The following DTL variants were observed in gnomAD, a reference collection of about 807,000 sequenced individuals.
The protein encoded by DTL is denticleless E3 ubiquitin protein ligase adapter, also known as denticleless protein homolog.
Under a neutral mutation model 87.0 loss-of-function variants are expected in DTL, and 46 were observed. That is an observed-to-expected ratio of 0.53 (90% CI 0.42 to 0.68). The LOEUF is 0.68. DTL is among the 30% of genes least tolerant of loss of function. The pLI is 0.00. For synonymous variants in DTL, 308 were observed against 311.2 expected (o/e 0.99, Z 0.11); for missense variants, 737 against 869.4 (o/e 0.85, Z 1.91).
chr1:212,052,137 T>C, intron 5 of DTL: 1 of 655,956 alleles, frequency 1.5e-6, no homozygotes, highest in Non-Finnish European at 2.7e-6. Flanking sequence ...TTGAGAACTC[T>C]GTGGTTGTTA....
At chr1:212,093,172 T>G (rs1334504024) in intron 13 of DTL, among the ~76,000 whole-genome samples, 2 of 152,152 alleles carry the variant, frequency 1.3e-5, no homozygotes, top group South Asian at 2.1e-4. Flanking sequence ...AGGGTGTGGC[T>G]TCCTTCTTCA....
intron 10 of DTL, among the ~76,000 whole-genome samples, chr1:212,069,632 G>A (rs1209608409): frequency 4.6e-5 from 7 of 151,236 alleles, no homozygotes; most frequent in East Asian, 3.9e-4. Flanking sequence ...TGCACCCTCC[G>A]CCTCCTGGGT....
chr1:212,083,538 A>C (rs1655044114), intron 13 of DTL, among the ~76,000 whole-genome samples: 1 of 152,306 alleles, frequency 6.6e-6, no homozygotes, highest in East Asian at 1.9e-4. Flanking sequence ...GGATGATTGA[A>C]ATTAAGATAA....
At chr1:212,078,304 A>T (rs983342537) in intron 12 of DTL, 42 bp downstream of exon 12, 1 of 1,225,896 alleles carries the variant, frequency 8.2e-7, no homozygotes, top group Non-Finnish European at 1.2e-6. Context: ...AATGTAGATC[A>T]CAGGTTTGTA....
chr1:212,066,254 C>A (rs1654494842), intron 7 of DTL, among the ~76,000 whole-genome samples: 1 of 151,944 alleles, frequency 6.6e-6, no homozygotes, highest in Non-Finnish European at 1.5e-5. Context: ...GAACAGGACA[C>A]AAGCATGAAT....
At chr1:212,092,090 G>C (rs1655301709) in intron 13 of DTL, among the ~76,000 whole-genome samples, 1 of 152,188 alleles carries the variant, frequency 6.6e-6, no homozygotes, top group African/African-American at 2.4e-5. Context: ...TGTAACCAAT[G>C]TGTAGTCTTT....
At chr1:212,091,791 T>C (rs1039313962) in intron 13 of DTL, among the ~76,000 whole-genome samples, 40 of 152,168 alleles carry the variant, frequency 2.6e-4, no homozygotes, top group African/African-American at 9.4e-4. Context: ...AATTGCTGAG[T>C]AGATTTTAAA....
intron 13 of DTL, among the ~76,000 whole-genome samples, chr1:212,094,678 A>G (rs947095719): frequency 3.9e-5 from 6 of 152,190 alleles, no homozygotes; most frequent in Non-Finnish European, 5.9e-5. Context: ...TTGAATTTGT[A>G]GATTGCTTTT....
intron 8 of DTL, among the ~76,000 whole-genome samples, chr1:212,067,435 G>A (rs1327919717): frequency 6.6e-6 from 1 of 152,104 alleles, no homozygotes; most frequent in Non-Finnish European, 1.5e-5. Flanking sequence ...TGTTGATTGT[G>A]TTGTAGAATA....
Position 212,065,461 on chromosome 1 carries a change from A to T in DTL, c.639+432A>T, listed in dbSNP as rs1571958420. On this transcript the variant is annotated intron_variant, in intron 7 of 14. Transcript: ENST00000366991. ...TCAAATCAGGGTAATTGAGATAGCC[A>T]TCACTTCAAATACTGTGTGCATCAG... Among the ~76,000 whole-genome samples, 3 of 152,108 alleles carry T rather than the reference A, an allele frequency of 2.0e-5. No individual in the cohort carries two copies. In the South Asian group the frequency reaches 6.2e-4, roughly 31 times the overall value.
intron 2 of DTL, among the ~76,000 whole-genome samples, chr1:212,043,828 C>CA (rs35962372): frequency 0.1 from 8,452 of 83,324 alleles, 410 homozygotes; most frequent in African/African-American, 0.17. Context: ...ACTTCATCTC[C>CA]AAAAAAAAAA....
intron 13 of DTL, chr1:212,099,569 G>C (rs1030425482): frequency 6.6e-6 from 1 of 152,446 alleles, no homozygotes; most frequent in Non-Finnish European, 1.5e-5. Context: ...AGCTTGTTTG[G>C]AGGTTCTAGC....
rs1176620499 is a variant in DTL at position 212,103,973 on chromosome 1, G to A, written c.*1033G>A. 6.6e-6 allele frequency: 1 copy of A among 152,136 alleles called. No individual in the cohort carries two copies. The highest frequency in any genetic ancestry group is 1.5e-5 in the Non-Finnish European group (1 of 68,016). The allele number at this position is 152,136 out of a possible 1,614,324, so 9.4% of individuals were successfully genotyped here. A position where few individuals can be genotyped will look rare whatever the true frequency, so the allele number is the denominator to read the frequency against. Reference sequence around the variant, plus strand: ...TAAAAAGCAATAGCCTTTTAGTATAGATAGCCCTGAGCCAAAAAGTAATAG... The same window carrying A: ...TAAAAAGCAATAGCCTTTTAGTATAAATAGCCCTGAGCCAAAAAGTAATAG... On this transcript the variant is annotated 3_prime_UTR_variant, in exon 15 of 15. Coordinates refer to ENST00000366991, the MANE Select transcript of DTL (RefSeq NM_016448.4).
At chr1:212,097,676 T>C (rs1202462400) in intron 13 of DTL, among the ~76,000 whole-genome samples, 1 of 152,240 alleles carries the variant, frequency 6.6e-6, no homozygotes, top group African/African-American at 2.4e-5. Context: ...TCTCTGGTGC[T>C]TCCTTGAGTA....
At chr1:212,040,418 A>T (rs1490340846) in intron 1 of DTL, among the ~76,000 whole-genome samples, 6 of 152,232 alleles carry the variant, frequency 3.9e-5, no homozygotes. Context: ...TACTATACAG[A>T]CACATACCTA....
chr1:212,098,452 T>C (rs1355277237), intron 13 of DTL, among the ~76,000 whole-genome samples: 2 of 152,064 alleles, frequency 1.3e-5, no homozygotes, highest in African/African-American at 4.8e-5. Flanking sequence ...TTTTCGGGCT[T>C]CTCAGGCAAT....
intron 5 of DTL, among the ~76,000 whole-genome samples, chr1:212,060,795 T>C (rs1469894394): frequency 6.9e-6 from 1 of 145,568 alleles, no homozygotes; most frequent in Non-Finnish European, 1.5e-5. Context: ...CCTGAAACAA[T>C]AGAACTACTA....
rs374008473 is a variant in DTL at position 212,070,027 on chromosome 1, A to G, written c.922+1324A>G. 8.3e-4 allele frequency among the ~76,000 whole-genome samples: 127 copies of G among 152,234 alleles called. 1 individual carries two copies. The Middle Eastern group carries it at 0.014, about 16-fold the overall frequency. ...AAAGGGAAGAGGTGTTTCTTTTGCT[A>G]TTTTCCTTAATGGAATCTGAGCTTG... On this transcript the variant is annotated intron_variant, in intron 10 of 14. Coordinates refer to ENST00000366991, the MANE Select transcript of DTL (RefSeq NM_016448.4).
chr1:212,095,674 A>G (rs1376387877), intron 13 of DTL, among the ~76,000 whole-genome samples: 2 of 152,288 alleles, frequency 1.3e-5, no homozygotes, highest in South Asian at 2.1e-4. Context: ...GGTGTATCAC[A>G]TGTATTGACT....
Sources: gnomAD v4.1 joint callset for allele counts (sites outside exome capture counted in the v4.1 genomes callset) on GRCh38, gnomAD v4.1.1 for gene constraint, MANE v1.5 for transcripts, NCBI Gene and HGNC (gene_info 2026-07-23, HGNC 2026-07-21) for gene names.